Variants in TAMM41 observed in about 807,000 individuals in gnomAD.
The protein encoded by TAMM41 is phosphatidate cytidylyltransferase, mitochondrial.
In TAMM41, 36 loss-of-function variants were observed where a neutral mutation model predicts 44.1. The observed-to-expected ratio is 0.82, with a 90% CI of 0.63 to 1.08. The LOEUF (loss-of-function observed/expected upper bound fraction) is 1.08, where lower values mean the gene tolerates loss of function less well. TAMM41 is among the 50% of genes least tolerant of loss of function. The pLI, the probability that TAMM41 is intolerant of heterozygous loss-of-function variation, is 0.00. For missense variants in TAMM41, 417 were observed against 404.3 expected, an observed-to-expected ratio of 1.03 and a Z score of -0.27; for synonymous variants, 164 against 153.1, an observed-to-expected ratio of 1.07 and a Z score of -0.53.
chr3:11,734,910 G>A, the TAMM41 span, among the ~76,000 whole-genome samples: 2 of 146,294 alleles, frequency 1.4e-5, no homozygotes, highest in Admixed American at 1.3e-4. Flanking sequence ...TTAGCCAGGT[G>A]TGGTGGCGGG....
At chr3:11,726,602 G>A in the TAMM41 span, among the ~76,000 whole-genome samples, 1 of 152,162 alleles carries the variant, frequency 6.6e-6, no homozygotes, top group Admixed American at 6.5e-5. Flanking sequence ...AGGAGTTTGA[G>A]ACCAGCCTGG....
At chr3:11,724,060 G>T in the TAMM41 span, among the ~76,000 whole-genome samples, 3 of 151,194 alleles carry the variant, frequency 2.0e-5, no homozygotes, top group South Asian at 2.1e-4. Context: ...CATAGCAAAA[G>T]ATTTTATTTT....
the TAMM41 span, among the ~76,000 whole-genome samples, chr3:11,727,465 CTAT>C: frequency 1.3e-5 from 2 of 152,050 alleles, no homozygotes; most frequent in African/African-American, 4.8e-5. Context: ...ACAGATGTTA[CTAT>C]TATTATTATT....
At chr3:11,727,098 A>C in the TAMM41 span, among the ~76,000 whole-genome samples, 144 of 152,346 alleles carry the variant, frequency 9.5e-4, no homozygotes, top group Middle Eastern at 6.8e-3. Context: ...AGTGCTTTAC[A>C]ACAAGTACCG....
chr3:11,838,388 T>C (rs566435107), intron 3 of TAMM41, among the ~76,000 whole-genome samples: 134 of 152,162 alleles, frequency 8.8e-4, no homozygotes, highest in Non-Finnish European at 1.2e-3. Context: ...GGTACCTTTT[T>C]TGTATTTTTA....
chr3:11,781,957 C>T, the TAMM41 span, among the ~76,000 whole-genome samples: 1 of 152,060 alleles, frequency 6.6e-6, no homozygotes, highest in African/African-American at 2.4e-5. Flanking sequence ...TCTGATGTAG[C>T]TCATTCTAGG....
rs182437815 is a variant in TAMM41, at chr3:11,805,359, A to T, written c.937+2474T>A. ...ACCATGTTGCCCAGGCTGATCTCAA[A>T]CTCCAGGACTCAAGTGATCCTCCTG... is the stretch of plus-strand genomic sequence containing the variant. On this transcript the variant is annotated intron_variant, in intron 7 of 7. Coordinates refer to ENST00000455809, the MANE Select transcript of TAMM41 (RefSeq NM_001284401.2). Among the ~76,000 whole-genome samples, 31 of 151,962 alleles carry T rather than the reference A, an allele frequency of 2.0e-4. No homozygotes were observed. The East Asian group carries it at 4.6e-3, about 23-fold the overall frequency.
chr3:11,836,576 G>C (rs962947549), intron 3 of TAMM41, among the ~76,000 whole-genome samples: 2 of 152,230 alleles, frequency 1.3e-5, no homozygotes, highest in African/African-American at 4.8e-5. Flanking sequence ...TGGTTCTCCT[G>C]CCTCAGCCTC....
the TAMM41 span, among the ~76,000 whole-genome samples, chr3:11,772,354 G>T: frequency 1.8e-4 from 27 of 150,924 alleles, no homozygotes; most frequent in South Asian, 1.5e-3. Context: ...GTGCTGGGAT[G>T]GCAGGCGTGA....
At chr3:11,846,366 G>A (rs533025534) in intron 1 of TAMM41, 136 bp downstream of exon 1, 1 of 1,026,762 alleles carries the variant, frequency 9.7e-7, no homozygotes, top group South Asian at 1.5e-5. Flanking sequence ...AGGAAGGCAG[G>A]CCTATGGTTC....
intron 6 of TAMM41, 32 bp downstream of exon 6, chr3:11,809,485 G>A: frequency 1.2e-6 from 2 of 1,609,826 alleles, no homozygotes; most frequent in East Asian, 2.2e-5. Flanking sequence ...CCCATGGCTG[G>A]CATTTCCTCA....
intron 5 of TAMM41, among the ~76,000 whole-genome samples, chr3:11,814,520 G>C (rs559403768): frequency 6.6e-6 from 1 of 150,838 alleles, no homozygotes; most frequent in Admixed American, 6.6e-5. Flanking sequence ...GAGAGAGAGA[G>C]AAAGGAAAAA....
chr3:11,826,251 C>A (rs114585046), intron 4 of TAMM41, among the ~76,000 whole-genome samples: 106 of 152,246 alleles, frequency 7.0e-4, no homozygotes, highest in African/African-American at 2.6e-3. Flanking sequence ...ATGCTGGAGG[C>A]AGCCAGGCGC....
chr3:11,843,906 T>C (rs2079556963), intron 2 of TAMM41, 123 bp downstream of exon 2: 1 of 985,996 alleles, frequency 1.0e-6, no homozygotes, highest in African/African-American at 1.6e-5. Context: ...ATTTCCCGAC[T>C]ATAACAACGT....
the TAMM41 span, among the ~76,000 whole-genome samples, chr3:11,732,055 C>T: frequency 3.3e-5 from 5 of 151,948 alleles, no homozygotes; most frequent in Admixed American, 2.0e-4. Context: ...TTAGTGGAGG[C>T]GTGGTTTCGC....
the TAMM41 span, among the ~76,000 whole-genome samples, chr3:11,726,226 A>G: frequency 2.0e-3 from 306 of 152,038 alleles, 2 homozygotes; most frequent in African/African-American, 7.1e-3. Flanking sequence ...TCTTCTCTTC[A>G]CTCCGACTTG....
the TAMM41 span, among the ~76,000 whole-genome samples, chr3:11,772,217 CCTG>C: frequency 1.3e-5 from 2 of 151,500 alleles, 1 homozygote; most frequent in Admixed American, 1.3e-4. Context: ...ACTACAGGCG[CCTG>C]CCACCACAGC....
intron 7 of TAMM41, among the ~76,000 whole-genome samples, chr3:11,793,218 G>A (rs562887856): frequency 2.0e-5 from 3 of 152,192 alleles, no homozygotes; most frequent in African/African-American, 7.2e-5. Context: ...CAGAAGACTA[G>A]AATAGACGCT....
At chr3:11,799,788 T>G (rs1224319271) in intron 7 of TAMM41, among the ~76,000 whole-genome samples, 1 of 152,170 alleles carries the variant, frequency 6.6e-6, no homozygotes, top group African/African-American at 2.4e-5. Flanking sequence ...CATAGCATAC[T>G]ATAATCAGAA....
Sources: gnomAD v4.1 joint callset for allele counts (sites outside exome capture counted in the v4.1 genomes callset) on GRCh38, gnomAD v4.1.1 for gene constraint, MANE v1.5 for transcripts, NCBI Gene and HGNC (gene_info 2026-07-23, HGNC 2026-07-21) for gene names.